The following CIMIP4 variants were observed in gnomAD, a reference collection of about 807,000 sequenced individuals.
The protein encoded by CIMIP4 is ciliary microtubule inner protein 4, also known as protein EAN57.
the CIMIP4 span, among the ~76,000 whole-genome samples, chr22:37,006,093 T>G: frequency 6.6e-6 from 1 of 152,190 alleles, no homozygotes; most frequent in African/African-American, 2.4e-5. Flanking sequence ...TTAAGGCTCC[T>G]CAACAGGAGC....
the CIMIP4 span, among the ~76,000 whole-genome samples, chr22:36,998,294 T>C: frequency 0.21 from 31,322 of 152,148 alleles, 3,534 homozygotes; most frequent in East Asian, 0.53. Flanking sequence ...CTTTCCTCCC[T>C]GACACCATCC....
At chr22:36,996,134 C>T in the CIMIP4 span, among the ~76,000 whole-genome samples, 1 of 143,698 alleles carries the variant, frequency 7.0e-6, no homozygotes, top group Non-Finnish European at 1.5e-5. Flanking sequence ...TATTTTTTAT[C>T]TGGAAAAAAA....
chr22:37,002,272 A>C, the CIMIP4 span: 1 of 1,438,808 alleles, frequency 7.0e-7, no homozygotes. Context: ...CCTCCTTGTC[A>C]TTCAGATGGG....
the CIMIP4 span, among the ~76,000 whole-genome samples, chr22:36,993,016 C>CT: frequency 0.046 from 6,318 of 136,212 alleles, 195 homozygotes; most frequent in Admixed American, 0.1. Context: ...TTTTTTTTTT[C>CT]TTTTTTTTTT....
the CIMIP4 span, among the ~76,000 whole-genome samples, chr22:36,999,302 CAAA>C: frequency 9.4e-6 from 1 of 106,836 alleles, no homozygotes; most frequent in Non-Finnish European, 1.9e-5. Context: ...AGCAAAAATA[CAAA>C]AAAAAAAAAA....
the CIMIP4 span, chr22:36,991,715 G>C: frequency 2.5e-6 from 2 of 806,508 alleles, no homozygotes; most frequent in African/African-American, 3.4e-5. Flanking sequence ...AGAGTGGGAA[G>C]GGTTTCAAAG....
the CIMIP4 span, among the ~76,000 whole-genome samples, chr22:36,993,049 G>A: frequency 7.3e-6 from 1 of 136,628 alleles, no homozygotes; most frequent in Non-Finnish European, 1.5e-5. Flanking sequence ...GTCTCGCTCT[G>A]TCTCCAGGCT....
At chr22:37,006,057 A>T in the CIMIP4 span, among the ~76,000 whole-genome samples, 4 of 152,206 alleles carry the variant, frequency 2.6e-5, no homozygotes, top group African/African-American at 9.7e-5. Context: ...TATCCTCTTA[A>T]CAGAACCATA....
chr22:36,994,237 TAGA>T, the CIMIP4 span, among the ~76,000 whole-genome samples: 2 of 152,192 alleles, frequency 1.3e-5, no homozygotes, highest in Admixed American at 6.5e-5. Flanking sequence ...TAATAAGGAT[TAGA>T]AGATTTGTGC....
At chr22:36,991,512 T>TG in the CIMIP4 span, 2 of 1,614,100 alleles carry the variant, frequency 1.2e-6, no homozygotes, top group Non-Finnish European at 8.5e-7. Flanking sequence ...CATGCCAGTG[T>TG]TCTAAGTCCC....
chr22:36,995,594 C>A, the CIMIP4 span, among the ~76,000 whole-genome samples: 1 of 152,068 alleles, frequency 6.6e-6, no homozygotes, highest in Non-Finnish European at 1.5e-5. Flanking sequence ...TGAAGTTCAC[C>A]AAACTCTCAG....
the CIMIP4 span, among the ~76,000 whole-genome samples, chr22:37,006,601 T>C: frequency 6.6e-6 from 1 of 152,232 alleles, no homozygotes; most frequent in Non-Finnish European, 1.5e-5. Context: ...AGCTGATTTA[T>C]ATGACCAGAT....
At chr22:36,994,841 A>G in the CIMIP4 span, among the ~76,000 whole-genome samples, 3 of 152,080 alleles carry the variant, frequency 2.0e-5, no homozygotes, top group African/African-American at 7.2e-5. Flanking sequence ...CTTGTTAGCC[A>G]GGATGGTCTC....
chr22:36,993,985 C>T, the CIMIP4 span, among the ~76,000 whole-genome samples: 1 of 152,098 alleles, frequency 6.6e-6, no homozygotes, highest in African/African-American at 2.4e-5. Context: ...AAACACTAAC[C>T]AAAAGCAGTC....
chr22:36,999,878 T>C, the CIMIP4 span: 3 of 1,613,872 alleles, frequency 1.9e-6, no homozygotes, highest in Admixed American at 3.3e-5. Flanking sequence ...GCCGAGGTCA[T>C]AGTAGTCTGA....
the CIMIP4 span, among the ~76,000 whole-genome samples, chr22:36,998,496 G>A: frequency 2.0e-5 from 3 of 152,116 alleles, no homozygotes; most frequent in Non-Finnish European, 4.4e-5. Context: ...CCAGAATGTG[G>A]GGCAGAGAGA....
At chr22:37,002,710 C>CTTT in the CIMIP4 span, among the ~76,000 whole-genome samples, 1 of 152,210 alleles carries the variant, frequency 6.6e-6, no homozygotes, top group Non-Finnish European at 1.5e-5. Flanking sequence ...ATCTTGAAAC[C>CTTT]TCCCCCTCAC....
chr22:37,002,039 G>A, the CIMIP4 span: 173 of 1,609,150 alleles, frequency 1.1e-4, no homozygotes, highest in Admixed American at 2.2e-4. Flanking sequence ...TCGAGAGCCC[G>A]CATTCTTCAG....
At chr22:37,004,230 T>G in the CIMIP4 span, among the ~76,000 whole-genome samples, 3 of 152,094 alleles carry the variant, frequency 2.0e-5, no homozygotes, top group African/African-American at 7.2e-5. Context: ...GCACAGGGGC[T>G]GCCTCCTGGA....
Sources: allele counts gnomAD v4.1 joint callset (sites outside exome capture counted in the v4.1 genomes callset), GRCh38; gene constraint gnomAD v4.1.1; transcripts MANE v1.5; gene names NCBI Gene and HGNC (gene_info 2026-07-23, HGNC 2026-07-21).